ZNF875: variants seen among roughly 807,000 people sequenced by gnomAD.
The protein encoded by ZNF875 is zinc finger protein 875, also known as HKR1, GLI-Kruppel zinc finger family member.
Under a neutral mutation model 11.2 loss-of-function variants are expected in ZNF875, and 14 were observed. The observed-to-expected ratio is 1.26, with a 90% CI of 0.83 to 1.96. ZNF875 has a LOEUF of 1.96. Ranked by LOEUF, ZNF875 falls within the 30% of genes most tolerant of loss-of-function variation. ZNF875 has a pLI of 0.00. For missense variants in ZNF875, 752 were observed against 760.4 expected (o/e 0.99, Z 0.13); for synonymous variants, 301 against 281.1 (o/e 1.07, Z -0.71).
intron 4 of ZNF875, among the ~76,000 whole-genome samples, chr19:37,325,986 C>T (rs146292659): frequency 1.3e-5 from 2 of 151,958 alleles, no homozygotes; most frequent in East Asian, 1.9e-4. Context: ...TGGGATTACA[C>T]GCGTGAGCCA....
At chr19:37,320,164 C>T (rs1442657892) in intron 1 of ZNF875, among the ~76,000 whole-genome samples, 1 of 152,182 alleles carries the variant, frequency 6.6e-6, no homozygotes, top group East Asian at 1.9e-4. Flanking sequence ...TGTAAACCAC[C>T]GCACCCGGCC....
At chr19:37,351,878 T>C (rs886581902) in intron 4 of ZNF875, among the ~76,000 whole-genome samples, 1 of 152,234 alleles carries the variant, frequency 6.6e-6, no homozygotes, top group African/African-American at 2.4e-5. Flanking sequence ...AAAAGGAATG[T>C]GTATTCTGCA....
At chr19:37,361,126 T>A (rs938247553) in intron 4 of ZNF875, among the ~76,000 whole-genome samples, 6 of 148,652 alleles carry the variant, frequency 4.0e-5, no homozygotes, top group Admixed American at 1.3e-4. Flanking sequence ...TTTTTTTTTT[T>A]TTTGAGACAG....
At chr19:37,354,572 T>C (rs1297500891) in intron 4 of ZNF875, among the ~76,000 whole-genome samples, 1 of 152,036 alleles carries the variant, frequency 6.6e-6, no homozygotes, top group Non-Finnish European at 1.5e-5. Flanking sequence ...TTACAGAATA[T>C]TTGCAAAAAT....
At chr19:37,319,048 A>ATT (rs752095085) in intron 1 of ZNF875, among the ~76,000 whole-genome samples, 9 of 138,446 alleles carry the variant, frequency 6.5e-5, no homozygotes, top group Admixed American at 7.2e-5. Context: ...GCTGGTTTAG[A>ATT]TTTTTTTTTT....
intron 1 of ZNF875, among the ~76,000 whole-genome samples, chr19:37,319,910 G>A (rs1360728161): frequency 1.3e-5 from 2 of 151,840 alleles, no homozygotes; most frequent in Non-Finnish European, 2.9e-5. Context: ...TTTTTGAGAC[G>A]GAGTCTCGCT....
chr19:37,338,483 G>T (rs1337703283), intron 2 of ZNF875, among the ~76,000 whole-genome samples: 1 of 152,104 alleles, frequency 6.6e-6, no homozygotes, highest in Non-Finnish European at 1.5e-5. Flanking sequence ...TTTCTGATTG[G>T]CTGGGAAAAG....
rs939375199 is a variant in ZNF875 at position 37,362,174 on chromosome 19, A to T, written c.322A>T (p.Ser108Cys). 4 of 1,614,070 alleles carry T rather than the reference A, an allele frequency of 2.5e-6. No individual in the cohort carries two copies. The Admixed American group carries it at 5.0e-5, about 20-fold the overall frequency. The change falls in exon 5 of 5, where the codon AGC becomes TGC. Residue 108 changes from serine (S) to cysteine (C), a missense_variant. Transcript: ENST00000392153. ...GATTTTCTCCAGTCAGCAAGCTCTC[A>T]GCCAACATGTGTGGCTGAGTCATCT... ...PLIFSSQQAL[S>C]QHVWLSHLSQ...
intron 4 of ZNF875, among the ~76,000 whole-genome samples, chr19:37,361,778 G>A (rs1351653514): frequency 1.3e-5 from 2 of 152,084 alleles, no homozygotes; most frequent in East Asian, 1.9e-4. Flanking sequence ...TTAGCTGGGC[G>A]TAGTCTTGGA....
intron 2 of ZNF875, among the ~76,000 whole-genome samples, chr19:37,322,420 G>A (rs1475321876): frequency 6.6e-6 from 1 of 151,876 alleles, no homozygotes; most frequent in African/African-American, 2.4e-5. Flanking sequence ...TTTTTCTTCC[G>A]TTGTATGTAA....
At chr19:37,344,163 A>T (rs1040528297) in intron 2 of ZNF875, among the ~76,000 whole-genome samples, 1 of 152,248 alleles carries the variant, frequency 6.6e-6, no homozygotes, top group African/African-American at 2.4e-5. Flanking sequence ...ACAGATATTA[A>T]GATATCAACG....
intron 2 of ZNF875, chr19:37,344,608 A>G (rs1181581343): frequency 6.5e-6 from 8 of 1,227,886 alleles, no homozygotes; most frequent in Non-Finnish European, 9.6e-6. Flanking sequence ...TTTATTTTTC[A>G]GCTGGCAAGC....
intron 4 of ZNF875, among the ~76,000 whole-genome samples, chr19:37,327,352 TGA>T (rs1331285793): frequency 1.3e-5 from 2 of 152,226 alleles, no homozygotes; most frequent in Non-Finnish European, 2.9e-5. Context: ...GATTTTTAAA[TGA>T]CAGGTCTATA....
chr19:37,321,817 G>A (rs2031526245), intron 1 of ZNF875, among the ~76,000 whole-genome samples: 1 of 152,140 alleles, frequency 6.6e-6, no homozygotes, highest in South Asian at 2.1e-4. Flanking sequence ...GCCTCTCAAA[G>A]GGAGGAGTGG....
upstream of ZNF875, among the ~76,000 whole-genome samples, chr19:37,316,627 C>A (rs769172984): frequency 4.6e-5 from 7 of 151,630 alleles, no homozygotes; most frequent in Non-Finnish European, 1.0e-4. Context: ...GCCTCGGCCT[C>A]CCAAAGTGCT....
Position 37,363,043 on chromosome 19 carries a change from G to C in ZNF875, c.1191G>C (p.Arg397Ser), listed in dbSNP as rs781182317. The part of the protein sequence containing the change: ...THSGEKPYIC[R>S]ECEQGFSQKS... ...CAGGAGAGAAGCCTTACATTTGCAG[G>C]GAGTGTGAGCAAGGCTTTAGCCAGA... The change falls in exon 5 of 5, where the codon AGG becomes AGC. Residue 397 changes from arginine (R) to serine (S), a missense_variant. Physicochemically the swap from Arg to Ser is moderately radical, Grantham distance 110 (BLOSUM62 -1). Coordinates refer to ENST00000392153, the MANE Select transcript of ZNF875 (RefSeq NM_001353803.2). The C allele has an allele frequency of 1.9e-6, 3 of 1,614,040 alleles. No homozygotes were observed. The highest frequency in any genetic ancestry group is 1.7e-4 in the Middle Eastern group (1 of 6,060).
At chr19:37,327,852 T>G (rs1164170616) in intron 4 of ZNF875, among the ~76,000 whole-genome samples, 1 of 152,090 alleles carries the variant, frequency 6.6e-6, no homozygotes, top group Non-Finnish European at 1.5e-5. Flanking sequence ...TATTTTAATG[T>G]CAGAAAGGTT....
upstream of ZNF875, among the ~76,000 whole-genome samples, chr19:37,314,269 G>A (rs1389607121): frequency 2.0e-5 from 3 of 151,840 alleles, no homozygotes; most frequent in South Asian, 2.1e-4. Flanking sequence ...GCACCAATAC[G>A]CCCACCTAAT....
rs1568566906 is a variant in ZNF875, at chr19:37,326,663, G to GAT, written c.-603+2398_-603+2399insAT. Among the ~76,000 whole-genome samples, 390 of 110,870 alleles carry GAT rather than the reference G, an allele frequency of 3.5e-3. 2 individuals are homozygous for GAT. The highest frequency in any genetic ancestry group is 0.012 in the African/African-American group (364 of 30,456). 72.7% of individuals were successfully genotyped at this position (110,870 alleles called of 152,430 possible). A position where few individuals can be genotyped will look rare whatever the true frequency, so the allele number is the denominator to read the frequency against. ...TCAAATTCTAAAGTTAAATTAGAAA[G>GAT]CTTTTTTTTTTTTTTTTTTTTTGAG... On this transcript the variant is annotated intron_variant, in intron 4 of 5. Transcript: ENST00000544914.
Sources: gnomAD v4.1 joint callset for allele counts (sites outside exome capture counted in the v4.1 genomes callset) on GRCh38, gnomAD v4.1.1 for gene constraint, MANE v1.5 for transcripts, NCBI Gene and HGNC (gene_info 2026-07-23, HGNC 2026-07-21) for gene names.